RAB11FIP3: variants seen among roughly 807,000 people sequenced by gnomAD.
RAB11FIP3 encodes the protein rab11 family-interacting protein 3.
RAB11FIP3 carries 17 observed loss-of-function variants against 77.8 expected under a neutral mutation model. That is an observed-to-expected ratio of 0.22 (90% confidence interval 0.15 to 0.33). RAB11FIP3 has a LOEUF of 0.33. Ranked by LOEUF, RAB11FIP3 falls within the 10% of genes least tolerant of loss-of-function variation. The pLI, the probability that RAB11FIP3 is intolerant of heterozygous loss-of-function variation, is 1.00. For missense variants in RAB11FIP3, 1,005 were observed against 1,011.2 expected (o/e 0.99, Z 0.08); for synonymous variants, 437 against 448.2 (o/e 0.98, Z 0.31).
At chr16:488,755 C>G in intron 4 of RAB11FIP3, 96 bp from the exon 5 acceptor site, 1 of 1,249,266 alleles carries the variant, frequency 8.0e-7, no homozygotes, top group Non-Finnish European at 1.1e-6. Flanking sequence ...TCACGTGTGG[C>G]TTGTAGCACA....
intron 5 of RAB11FIP3, chr16:490,983 C>A: frequency 1.5e-6 from 1 of 688,874 alleles, no homozygotes; most frequent in Non-Finnish European, 2.0e-6. Flanking sequence ...GGTCTAAAGG[C>A]AAGAGCCAGA....
chr16:459,423 G>C (rs1359974708), intron 1 of RAB11FIP3, among the ~76,000 whole-genome samples: 1 of 142,184 alleles, frequency 7.0e-6, no homozygotes, highest in African/African-American at 2.6e-5. Context: ...ACCACACCCA[G>C]CTTCAAACTT....
Position 426,294 on chromosome 16 carries a change from G to C in RAB11FIP3, c.288G>C (p.Pro96=). The change falls in exon 1 of 14, where the codon CCG becomes CCC. Residue 96 remains proline (P), a synonymous_variant. Coordinates refer to ENST00000262305, the MANE Select transcript of RAB11FIP3 (RefSeq NM_014700.4). The surrounding 1 kb of genome is among the most constrained non-coding windows in gnomAD (Gnocchi z 5.0). ...GPSAPPPRSG[P]RGQLASPDAP... is the part of the protein sequence containing the mutation. ...CCGCCCCGCCGCCGCGCTCCGGCCC[G>C]CGGGGGCAGCTTGCGAGCCCCGACG... 7 of 1,258,828 alleles carry C rather than the reference G, an allele frequency of 5.6e-6. No individual in the cohort carries two copies. The highest frequency in any genetic ancestry group is 7.0e-6 in the Non-Finnish European group (7 of 1,005,450). The allele number at this position is 1,258,828 out of a possible 1,614,324, so 78.0% of individuals were successfully genotyped here.
At chr16:518,161 CT>C (rs1377800037) in intron 9 of RAB11FIP3, among the ~76,000 whole-genome samples, 1 of 152,248 alleles carries the variant, frequency 6.6e-6, no homozygotes, top group Non-Finnish European at 1.5e-5. Context: ...TCACTGCAGC[CT>C]TGTACTTCCA....
intron 6 of RAB11FIP3, 162 bp from the exon 7 acceptor site, chr16:502,842 T>C: frequency 1.5e-6 from 1 of 661,676 alleles, no homozygotes; most frequent in Non-Finnish European, 2.7e-6. Context: ...CCCCTGTATA[T>C]AGTGCTTTAA....
intron 1 of RAB11FIP3, among the ~76,000 whole-genome samples, chr16:443,605 G>A (rs549984954): frequency 1.3e-5 from 2 of 152,210 alleles, no homozygotes; most frequent in Non-Finnish European, 2.9e-5. Flanking sequence ...TCGCTCTGTC[G>A]CCCAGGCTGG....
chr16:491,592 A>C (rs2030195573), intron 5 of RAB11FIP3, among the ~76,000 whole-genome samples: 1 of 152,260 alleles, frequency 6.6e-6, no homozygotes, highest in African/African-American at 2.4e-5. Flanking sequence ...ATGAGACAGA[A>C]TTGGGAAAGT....
chr16:511,305 C>A (rs1393923316), intron 9 of RAB11FIP3, among the ~76,000 whole-genome samples: 6 of 127,418 alleles, frequency 4.7e-5, no homozygotes, highest in Non-Finnish European at 9.8e-5. Context: ...TTCTTGACAG[C>A]CCGCCCACCC....
At chr16:492,362 T>TCCGAGGCCGCCCAGAGCCC (rs2030354690) in intron 5 of RAB11FIP3, among the ~76,000 whole-genome samples, 1 of 63,628 alleles carries the variant, frequency 1.6e-5, no homozygotes, top group Non-Finnish European at 3.1e-5. Context: ...GAAGAGGGTC[T>TCCGAGGCCGCCCAGAGCCC]TCCCGGGAGA....
chr16:458,712 C>T (rs1048849381), intron 1 of RAB11FIP3, among the ~76,000 whole-genome samples: 10 of 150,466 alleles, frequency 6.6e-5, no homozygotes, highest in Admixed American at 6.0e-4. Flanking sequence ...CTCTCCCTGT[C>T]CCTGAGCATT....
At chr16:446,561 G>A (rs1048822937) in intron 1 of RAB11FIP3, among the ~76,000 whole-genome samples, 2 of 152,232 alleles carry the variant, frequency 1.3e-5, no homozygotes, top group Non-Finnish European at 1.5e-5. Context: ...ATCCTTCACA[G>A]TAGAAGTTTG....
chr16:481,373 T>G (rs1180718861), intron 3 of RAB11FIP3, among the ~76,000 whole-genome samples: 1 of 152,012 alleles, frequency 6.6e-6, no homozygotes, highest in African/African-American at 2.4e-5. Context: ...TAGCTAGGCA[T>G]GATGGTACAT....
At chr16:482,225 T>G in intron 3 of RAB11FIP3, 4 of 520,674 alleles carry the variant, frequency 7.7e-6, no homozygotes, top group Non-Finnish European at 1.4e-5. Flanking sequence ...TCTAGGTAAG[T>G]TTTGTATTTT....
chr16:470,024 T>C (rs2055782265), intron 2 of RAB11FIP3, among the ~76,000 whole-genome samples: 1 of 152,004 alleles, frequency 6.6e-6, no homozygotes, highest in African/African-American at 2.4e-5. Flanking sequence ...AGATGGAGTC[T>C]TGCTCTGTCG....
At chr16:441,925 A>G (rs758861536) in intron 1 of RAB11FIP3, among the ~76,000 whole-genome samples, 3 of 151,922 alleles carry the variant, frequency 2.0e-5, no homozygotes, top group African/African-American at 4.8e-5. Flanking sequence ...TGTAAGCGCC[A>G]CCTCCCAGGT....
chr16:453,678 C>A (rs765760113), intron 1 of RAB11FIP3, among the ~76,000 whole-genome samples: 1 of 150,302 alleles, frequency 6.7e-6, no homozygotes, highest in Non-Finnish European at 1.5e-5. Flanking sequence ...GCAACCTCTG[C>A]CCCCTGGGTT....
intron 9 of RAB11FIP3, among the ~76,000 whole-genome samples, chr16:513,145 G>A (rs1407067324): frequency 6.6e-6 from 1 of 152,188 alleles, no homozygotes; most frequent in African/African-American, 2.4e-5. Flanking sequence ...ATAATCAGAG[G>A]ACTCTAGAGT....
At position 471,920 on chromosome 16, in the gene RAB11FIP3, T is replaced by C. The variant is rs1346573161; in HGVS notation, c.903+531T>C. 1.3e-5 allele frequency among the ~76,000 whole-genome samples: 2 copies of C among 152,050 alleles called. No individual in the cohort carries two copies. The highest frequency in any genetic ancestry group is 4.8e-5 in the African/African-American group (2 of 41,398). On this transcript the variant is annotated intron_variant, in intron 3 of 13. Coordinates refer to ENST00000262305, the MANE Select transcript of RAB11FIP3 (RefSeq NM_014700.4). The surrounding 1 kb of genome is among the most constrained non-coding windows in gnomAD (Gnocchi z 4.4). ...AGCCGTGGTCGACAGAGCGTAACCA[T>C]GTCCGCCGGTCTGGAGGGTTAGATT... is the stretch of plus-strand genomic sequence containing the variant.
In RAB11FIP3 at chr16:490,992, G is replaced by A. The variant is rs982345010; in HGVS notation, c.1265+1992G>A. The A allele has an allele frequency of 6.5e-6, 5 of 768,260 alleles. No individual in the cohort carries two copies. In the East Asian group the frequency reaches 3.6e-4, roughly 56 times the overall value. 47.6% of individuals were successfully genotyped at this position (768,260 alleles called of 1,614,324 possible). ...CACTGCGGTCTAAAGGCAAGAGCCAGAACATTGCACAGCTCATTCTCTCTC... is the reference window on the plus strand; with the variant it reads ...CACTGCGGTCTAAAGGCAAGAGCCAAAACATTGCACAGCTCATTCTCTCTC... On this transcript the variant is annotated intron_variant, in intron 5 of 13. Transcript: ENST00000262305.
Sources: gnomAD v4.1 joint callset for allele counts (sites outside exome capture counted in the v4.1 genomes callset) on GRCh38, gnomAD v4.1.1 for gene constraint, Gnocchi (gnomAD v3.1) non-coding constraint, MANE v1.5 for transcripts, NCBI Gene and HGNC (gene_info 2026-07-23, HGNC 2026-07-21) for gene names.